The following PPP1R16B variants were observed in gnomAD, a reference collection of about 807,000 sequenced individuals.
PPP1R16B encodes the protein protein phosphatase 1 regulatory inhibitor subunit 16B.
Under a neutral mutation model 61.7 loss-of-function variants are expected in PPP1R16B, and 14 were observed. The observed-to-expected ratio is 0.23, with a 90% CI of 0.15 to 0.35. PPP1R16B has a LOEUF of 0.35. Among genes scored for constraint, PPP1R16B ranks in the 10% least tolerant of loss-of-function variants. The pLI is 1.00. For synonymous variants in PPP1R16B, 266 were observed against 305.3 expected, an observed-to-expected ratio of 0.87 and a Z score of 1.34; for missense variants, 547 against 752.5, an observed-to-expected ratio of 0.73 and a Z score of 3.19.
chr20:38,844,512 C>T (rs2084926022), intron 2 of PPP1R16B, among the ~76,000 whole-genome samples: 1 of 152,178 alleles, frequency 6.6e-6, no homozygotes, highest in Non-Finnish European at 1.5e-5. Context: ...TAAAAAATGG[C>T]TCAAGTAATG....
intron 10 of PPP1R16B, among the ~76,000 whole-genome samples, chr20:38,908,608 G>A (rs2085465444): frequency 1.3e-5 from 2 of 152,234 alleles, no homozygotes; most frequent in African/African-American, 2.4e-5. Context: ...ACAAGATATT[G>A]AGAATTGTGT....
intron 1 of PPP1R16B, among the ~76,000 whole-genome samples, chr20:38,831,996 T>C (rs1164776228): frequency 1.3e-5 from 2 of 152,202 alleles, no homozygotes; most frequent in Non-Finnish European, 1.5e-5. Context: ...TCTGTACACC[T>C]TTGAGCGCTG....
chr20:38,841,670 G>A (rs1007633304), intron 2 of PPP1R16B, among the ~76,000 whole-genome samples: 4 of 152,186 alleles, frequency 2.6e-5, no homozygotes, highest in South Asian at 2.1e-4. Flanking sequence ...TATTTACATG[G>A]AATCATACAG....
At chr20:38,868,896 A>G (rs934068703) in intron 2 of PPP1R16B, among the ~76,000 whole-genome samples, 3 of 152,200 alleles carry the variant, frequency 2.0e-5, no homozygotes, top group Non-Finnish European at 4.4e-5. Context: ...GATTAGGTAA[A>G]ATATATCATT....
At chr20:38,831,581 G>A (rs964208292) in intron 1 of PPP1R16B, among the ~76,000 whole-genome samples, 3 of 152,200 alleles carry the variant, frequency 2.0e-5, no homozygotes, top group Non-Finnish European at 4.4e-5. Context: ...CGGGAGTAAT[G>A]GGGAGCATTG....
At chr20:38,852,958 G>C (rs2084979679) in intron 2 of PPP1R16B, among the ~76,000 whole-genome samples, 2 of 151,936 alleles carry the variant, frequency 1.3e-5, no homozygotes, top group Admixed American at 6.6e-5. Flanking sequence ...AGTTTTAGTA[G>C]AGACGGTTTC....
In PPP1R16B at chr20:38,806,568, C is replaced by T. The variant is rs2084663091; in HGVS notation, c.-102+776C>T. The stretch of plus-strand genomic sequence containing the variant: ...GCCGAGGATGGGCGGAGACGTGCAG[C>T]CGCCCCTGAGAGGTCGCCCAGAGGG... On this transcript the variant is annotated intron_variant, in intron 1 of 10. Transcript: ENST00000299824. This position sits in a 1 kb window ranked among gnomAD's most constrained non-coding sequence, Gnocchi z 4.5. Among the ~76,000 whole-genome samples the T allele has an allele frequency of 6.6e-6, 1 of 152,234 alleles. No individual in the cohort carries two copies. The highest frequency in any genetic ancestry group is 2.4e-5 in the African/African-American group (1 of 41,558).
At chr20:38,809,985 G>GAAAAA (rs11086731) in intron 1 of PPP1R16B, among the ~76,000 whole-genome samples, 28 of 79,926 alleles carry the variant, frequency 3.5e-4, no homozygotes, top group South Asian at 1.1e-3. Context: ...ACCTTGTTTC[G>GAAAAA]AAAAAAAAAA....
intron 2 of PPP1R16B, among the ~76,000 whole-genome samples, chr20:38,885,785 A>G (rs116184634): frequency 0.011 from 1,625 of 152,310 alleles, 32 homozygotes; most frequent in African/African-American, 0.037. Context: ...TTATTTATAT[A>G]TATTTTTTGA....
chr20:38,906,840 T>G (rs973566284), intron 7 of PPP1R16B, 139 bp from the exon 8 acceptor site: 3 of 702,174 alleles, frequency 4.3e-6, no homozygotes, highest in Non-Finnish European at 7.6e-6. Context: ...ATGGCTCTAG[T>G]TTGCAGGCCT....
At chr20:38,902,589 C>A in intron 5 of PPP1R16B, 79 bp from the exon 6 acceptor site, 1 of 1,573,540 alleles carries the variant, frequency 6.4e-7, no homozygotes. Flanking sequence ...AAGAGCCATG[C>A]CTCCCTCATC....
At chr20:38,832,165 G>T (rs1162815247) in intron 1 of PPP1R16B, among the ~76,000 whole-genome samples, 1 of 152,226 alleles carries the variant, frequency 6.6e-6, no homozygotes, top group African/African-American at 2.4e-5. Context: ...TTGGGTAAAT[G>T]ACTTAATCAC....
chr20:38,826,814 TC>T (rs1568654523), intron 1 of PPP1R16B, among the ~76,000 whole-genome samples: 1 of 152,246 alleles, frequency 6.6e-6, no homozygotes, highest in Non-Finnish European at 1.5e-5. Flanking sequence ...GCCATGGAGT[TC>T]CTGGTAGTGG....
intron 1 of PPP1R16B, among the ~76,000 whole-genome samples, chr20:38,807,540 G>A (rs975101619): frequency 2.0e-5 from 3 of 152,234 alleles, no homozygotes; most frequent in Non-Finnish European, 2.9e-5. Context: ...GTCATAAAAA[G>A]CCAGCTTGCA....
rs1252568002 is a variant in PPP1R16B at position 38,806,942 on chromosome 20, C to T, written c.-102+1150C>T. 1.3e-5 allele frequency among the ~76,000 whole-genome samples: 2 copies of T among 152,208 alleles called. No individual in the cohort carries two copies. Among genetic ancestry groups the T allele is most frequent in the Non-Finnish European group, 2.9e-5 (2 of 68,034 alleles). On this transcript the variant is annotated intron_variant, in intron 1 of 10. Coordinates refer to ENST00000299824, the MANE Select transcript of PPP1R16B (RefSeq NM_015568.4). The surrounding 1 kb of genome is among the most constrained non-coding windows in gnomAD (Gnocchi z 4.5). The stretch of plus-strand genomic sequence containing the variant: ...CTTCTAGGAACCGAAAACCGAGCTG[C>T]CTGCGCGCCCATGTGATTGCATTTC...
chr20:38,823,635 T>G (rs1171781550), intron 1 of PPP1R16B, among the ~76,000 whole-genome samples: 2 of 148,260 alleles, frequency 1.3e-5, no homozygotes, highest in East Asian at 3.9e-4. Context: ...AGACTTTGTC[T>G]CAAAAAAAAA....
intron 3 of PPP1R16B, among the ~76,000 whole-genome samples, chr20:38,894,007 T>C (rs1001071192): frequency 6.6e-6 from 1 of 152,170 alleles, no homozygotes; most frequent in African/African-American, 2.4e-5. Flanking sequence ...GCCGTGCTGC[T>C]GCGTGGTTCT....
intron 1 of PPP1R16B, among the ~76,000 whole-genome samples, chr20:38,826,945 A>T (rs6124090): frequency 0.73 from 110,628 of 152,084 alleles, 40,424 homozygotes; most frequent in African/African-American, 0.78. Context: ...TTTATTTTTT[A>T]AATGATTTAT....
intron 1 of PPP1R16B, among the ~76,000 whole-genome samples, chr20:38,823,482 A>G (rs1323872426): frequency 1.3e-5 from 2 of 152,168 alleles, no homozygotes; most frequent in Non-Finnish European, 2.9e-5. Context: ...CTCTGCTAAA[A>G]ATACAAAAAT....
Sources: allele counts gnomAD v4.1 joint callset (sites outside exome capture counted in the v4.1 genomes callset), GRCh38; gene constraint gnomAD v4.1.1; non-coding constraint Gnocchi (gnomAD v3.1); transcripts MANE v1.5; gene names NCBI Gene and HGNC (gene_info 2026-07-23, HGNC 2026-07-21).